The following ZNF589 variants were observed in gnomAD, a reference collection of about 807,000 sequenced individuals.
ZNF589 encodes the protein KRAB-zinc finger protein SZF1-1.
In ZNF589, 17 loss-of-function variants were observed where a neutral mutation model predicts 13.6. That is an observed-to-expected ratio of 1.25 (90% CI 0.86 to 1.88). ZNF589 has a LOEUF of 1.88. ZNF589 is among the 40% of genes most tolerant of loss of function. The pLI, the probability that ZNF589 is intolerant of heterozygous loss-of-function variation, is 0.00. For missense variants in ZNF589, 407 were observed against 434.0 expected (o/e 0.94, Z 0.55); for synonymous variants, 148 against 161.6 (o/e 0.92, Z 0.64).
At chr3:48,263,836 T>C (rs2033993471) in intron 3 of ZNF589, among the ~76,000 whole-genome samples, 1 of 152,188 alleles carries the variant, frequency 6.6e-6, no homozygotes, top group Non-Finnish European at 1.5e-5. Context: ...AAGTGAGATG[T>C]TACAAAATAT....
In ZNF589 at chr3:48,269,783, G is replaced by A; in HGVS notation, c.*997G>A. 1 of 344,528 alleles carries A rather than the reference G, an allele frequency of 2.9e-6. No individual in the cohort carries two copies. Among genetic ancestry groups the A allele is most frequent in the Non-Finnish European group, 5.7e-6 (1 of 175,104 alleles). The allele number at this position is 344,528 out of a possible 1,614,324, so 21.3% of individuals were successfully genotyped here. ...GCTTAGGGAGAAGCCTTGTTTGTAAGGTAATGTGGACAGAGCTGTACGTGG... is the reference window on the plus strand; with the variant it reads ...GCTTAGGGAGAAGCCTTGTTTGTAAAGTAATGTGGACAGAGCTGTACGTGG... On this transcript the variant is annotated 3_prime_UTR_variant, in exon 4 of 4. Transcript: ENST00000354698.
rs1423425740 is a variant in ZNF589, at chr3:48,269,126, C to A, written c.*340C>A. ...GCCTTACACGTGCTTTGAGTGTGGG[C>A]GAAACTTTAGCCTCAAGTCCGCTCT... On this transcript the variant is annotated 3_prime_UTR_variant, in exon 4 of 4. Transcript: ENST00000354698. 4.1e-6 allele frequency: 3 copies of A among 724,112 alleles called. No homozygotes were observed. In the Admixed American group the frequency reaches 7.7e-5, roughly 19 times the overall value. 44.9% of individuals were successfully genotyped at this position (724,112 alleles called of 1,614,324 possible).
chr3:48,269,788 T>G lies in ZNF589; in HGVS notation c.*1002T>G. The G allele has an allele frequency of 2.9e-6, 1 of 347,964 alleles. No homozygotes were observed. 21.6% of individuals were successfully genotyped at this position (347,964 alleles called of 1,614,324 possible). A position where few individuals can be genotyped will look rare whatever the true frequency, so the allele number is the denominator to read the frequency against. The stretch of plus-strand genomic sequence containing the variant: ...GGGAGAAGCCTTGTTTGTAAGGTAA[T>G]GTGGACAGAGCTGTACGTGGACATC... On this transcript the variant is annotated 3_prime_UTR_variant, in exon 4 of 4. Transcript: ENST00000354698.
intron 3 of ZNF589, among the ~76,000 whole-genome samples, chr3:48,263,279 T>G (rs2033985489): frequency 6.6e-6 from 1 of 152,098 alleles, no homozygotes; most frequent in Non-Finnish European, 1.5e-5. Context: ...CCAGCAAATT[T>G]TTTTATTTTT....
intron 3 of ZNF589, among the ~76,000 whole-genome samples, chr3:48,262,090 C>A (rs1304563317): frequency 2.6e-5 from 4 of 152,194 alleles, no homozygotes; most frequent in African/African-American, 9.7e-5. Flanking sequence ...CTCTACATCA[C>A]TTTTTCTCTT....
intron 2 of ZNF589, among the ~76,000 whole-genome samples, chr3:48,260,167 C>T (rs1302379430): frequency 6.6e-5 from 10 of 152,100 alleles, no homozygotes; most frequent in African/African-American, 1.2e-4. Flanking sequence ...GACAGGGTCT[C>T]GCTCTGGTCA....
chr3:48,269,294 C>T lies in ZNF589; in HGVS notation c.*508C>T, dbSNP rs553304209. The T allele has an allele frequency of 1.1e-4, 164 of 1,542,314 alleles. 1 individual carries two copies. In the East Asian group the frequency reaches 2.5e-3, roughly 24 times the overall value. On this transcript the variant is annotated 3_prime_UTR_variant, in exon 4 of 4. Coordinates refer to ENST00000354698, the MANE Select transcript of ZNF589 (RefSeq NM_016089.3). Reference sequence around the variant, plus strand: ...GCCTTATGTCTGCGGAGAGTGTGGGCGAGGCTTTATAGCTCAGTCAACCCT... The same window carrying T: ...GCCTTATGTCTGCGGAGAGTGTGGGTGAGGCTTTATAGCTCAGTCAACCCT...
At chr3:48,256,526 C>T in intron 2 of ZNF589, 1 of 635,954 alleles carries the variant, frequency 1.6e-6, no homozygotes, top group South Asian at 1.6e-5. Context: ...TGGAACAACT[C>T]CTTCAGGAAG....
In ZNF589 at chr3:48,270,736, GA is replaced by G; in HGVS notation, c.*1955del. 1 of 168,466 alleles carries G rather than the reference GA, an allele frequency of 5.9e-6. No homozygotes were observed. The highest frequency in any genetic ancestry group is 1.3e-5 in the Non-Finnish European group (1 of 77,248). The allele number at this position is 168,466 out of a possible 1,614,324, so 10.4% of individuals were successfully genotyped here. A position where few individuals can be genotyped will look rare whatever the true frequency, so the allele number is the denominator to read the frequency against. On this transcript the variant is annotated 3_prime_UTR_variant, in exon 4 of 4. Transcript: ENST00000354698. ...TAGGCTTGGTTTTGATGCTAGAGAG[GA>G]AAAAGGACTTGGAGAGAGAGAAGGA...
chr3:48,259,007 G>A (rs541013279), intron 2 of ZNF589, among the ~76,000 whole-genome samples: 9 of 152,058 alleles, frequency 5.9e-5, no homozygotes, highest in Non-Finnish European at 1.0e-4. Context: ...TGAGACCTGG[G>A]GTATAAAAAG....
At chr3:48,253,498 CTTTT>C (rs59231973) in intron 2 of ZNF589, among the ~76,000 whole-genome samples, 6 of 95,322 alleles carry the variant, frequency 6.3e-5, no homozygotes, top group Non-Finnish European at 8.4e-5. Flanking sequence ...TCATATTTTT[CTTTT>C]TTTTTTTTTT....
At chr3:48,260,171 C>G (rs1360949414) in intron 2 of ZNF589, among the ~76,000 whole-genome samples, 2 of 152,136 alleles carry the variant, frequency 1.3e-5, no homozygotes, top group Non-Finnish European at 2.9e-5. Flanking sequence ...GGGTCTCGCT[C>G]TGGTCACCCA....
At chr3:48,260,976 A>G (rs755985820) in intron 3 of ZNF589, 37 bp downstream of exon 3, 16 of 1,610,586 alleles carry the variant, frequency 9.9e-6, no homozygotes, top group East Asian at 4.5e-5. Flanking sequence ...TTTCCATTCA[A>G]GTATTTACTG....
At chr3:48,249,848 C>T (rs1165871350) in intron 2 of ZNF589, among the ~76,000 whole-genome samples, 1 of 152,184 alleles carries the variant, frequency 6.6e-6, no homozygotes, top group African/African-American at 2.4e-5. Context: ...ACAATTCTGG[C>T]TGGGAACAGT....
intron 2 of ZNF589, among the ~76,000 whole-genome samples, chr3:48,251,559 C>CA (rs372193777): frequency 0.011 from 1,584 of 140,788 alleles, 27 homozygotes; most frequent in African/African-American, 0.038. Flanking sequence ...AACTCCATCT[C>CA]AAAAAAAAAA....
intron 3 of ZNF589, among the ~76,000 whole-genome samples, chr3:48,265,410 C>T (rs1257457950): frequency 6.6e-6 from 1 of 150,644 alleles, no homozygotes; most frequent in Non-Finnish European, 1.5e-5. Flanking sequence ...CCTCAGCCTC[C>T]TGAGTAGCTG....
chr3:48,256,957 A>T (rs2033910501), intron 2 of ZNF589: 1 of 636,992 alleles, frequency 1.6e-6, no homozygotes, highest in African/African-American at 1.8e-5. Context: ...ACCAACCCTG[A>T]CCTCCACAAT....
At chr3:48,241,887 T>C (rs914066496) in intron 1 of ZNF589, among the ~76,000 whole-genome samples, 3 of 151,794 alleles carry the variant, frequency 2.0e-5, no homozygotes, top group Non-Finnish European at 4.4e-5. Context: ...GGATCTAGGC[T>C]CACTGCAGCC....
At chr3:48,243,021 C>T (rs1423984087) in intron 1 of ZNF589, among the ~76,000 whole-genome samples, 1 of 151,318 alleles carries the variant, frequency 6.6e-6, no homozygotes, top group Non-Finnish European at 1.5e-5. Flanking sequence ...TTCAGTGAGC[C>T]GAGATCGCAT....
Sources: allele counts gnomAD v4.1 joint callset (sites outside exome capture counted in the v4.1 genomes callset), GRCh38; gene constraint gnomAD v4.1.1; transcripts MANE v1.5; gene names NCBI Gene and HGNC (gene_info 2026-07-23, HGNC 2026-07-21).